CTNNA3: variants seen among roughly 807,000 people sequenced by gnomAD.
CTNNA3 encodes catenin alpha 3, also known as catenin alpha-3.
A neutral mutation model predicts 95.7 loss-of-function variants in CTNNA3; 76 were observed. The observed-to-expected ratio is 0.79, with a 90% CI of 0.66 to 0.96. The LOEUF is 0.96. Among genes scored for constraint, CTNNA3 ranks in the 40% least tolerant of loss-of-function variants. The probability of loss-of-function intolerance (pLI) is 0.00; values close to 1 mark genes in which losing one functional copy is unlikely to be tolerated. For missense variants in CTNNA3, 1,191 were observed against 1,089.8 expected (o/e 1.09, Z -1.31); for synonymous variants, 431 against 374.4 (o/e 1.15, Z -1.74).
chr10:67,007,736 C>T (rs1564827325), intron 7 of CTNNA3, among the ~76,000 whole-genome samples: 2 of 151,516 alleles, frequency 1.3e-5, no homozygotes, highest in African/African-American at 2.4e-5. Context: ...GGTTCTATTC[C>T]ATACTGAATA....
intron 15 of CTNNA3, among the ~76,000 whole-genome samples, chr10:65,999,598 A>G (rs926930580): frequency 6.6e-6 from 1 of 152,204 alleles, no homozygotes; most frequent in African/African-American, 2.4e-5. Context: ...TGAATGCCAA[A>G]CAAAATACAC....
chr10:67,637,439 T>G (rs1341488749), intron 2 of CTNNA3, among the ~76,000 whole-genome samples: 2 of 152,194 alleles, frequency 1.3e-5, no homozygotes, highest in African/African-American at 4.8e-5. Context: ...GAAAACACTC[T>G]GCAGGATATT....
At chr10:66,678,245 A>G (rs12412602) in intron 9 of CTNNA3, among the ~76,000 whole-genome samples, 3,522 of 152,198 alleles carry the variant, frequency 0.023, 184 homozygotes, top group East Asian at 0.22. Flanking sequence ...TCCCTGACCT[A>G]GTAGTTCCCT....
chr10:67,455,514 C>A (rs1469618596), intron 5 of CTNNA3, among the ~76,000 whole-genome samples: 3 of 152,046 alleles, frequency 2.0e-5, no homozygotes, highest in African/African-American at 4.8e-5. Flanking sequence ...AGGAAGTAAC[C>A]TTGCAGTGGA....
chr10:67,129,946 G>T (rs192486059), intron 7 of CTNNA3, among the ~76,000 whole-genome samples: 3 of 149,912 alleles, frequency 2.0e-5, no homozygotes, highest in Admixed American at 2.0e-4. Flanking sequence ...TTGACTAGAA[G>T]AGAGTTATCT....
chr10:66,271,852 A>C (rs1170169650), intron 13 of CTNNA3, among the ~76,000 whole-genome samples: 2 of 152,192 alleles, frequency 1.3e-5, no homozygotes, highest in African/African-American at 4.8e-5. Context: ...CAGAATGAGC[A>C]ACTGAGATCA....
At chr10:66,881,599 T>C (rs1844853647) in intron 7 of CTNNA3, among the ~76,000 whole-genome samples, 1 of 152,218 alleles carries the variant, frequency 6.6e-6, no homozygotes, top group South Asian at 2.1e-4. Flanking sequence ...GTGCTTGTCA[T>C]CTAATGTGCT....
chr10:67,202,654 T>C (rs995930286), intron 6 of CTNNA3, among the ~76,000 whole-genome samples: 6 of 152,200 alleles, frequency 3.9e-5, no homozygotes, highest in African/African-American at 1.4e-4. Flanking sequence ...TTCACCTTAC[T>C]CTGAGAACAT....
intron 5 of CTNNA3, among the ~76,000 whole-genome samples, chr10:67,479,040 A>C (rs1050706215): frequency 6.6e-6 from 1 of 152,176 alleles, no homozygotes; most frequent in Non-Finnish European, 1.5e-5. Context: ...AAAAGGTTTG[A>C]TTCAACAAGA....
chr10:67,699,594 A>G (rs772666643), upstream of CTNNA3, among the ~76,000 whole-genome samples: 5 of 152,246 alleles, frequency 3.3e-5, no homozygotes, highest in Non-Finnish European at 7.3e-5. Context: ...GAGGATAGAC[A>G]TTTCACTCAG....
At chr10:67,554,848 G>A (rs990905692) in intron 3 of CTNNA3, among the ~76,000 whole-genome samples, 2 of 152,164 alleles carry the variant, frequency 1.3e-5, no homozygotes, top group Non-Finnish European at 2.9e-5. Flanking sequence ...GTCCTGAATG[G>A]TGTTGCCTAG....
intron 17 of CTNNA3, among the ~76,000 whole-genome samples, chr10:65,947,482 A>G (rs1026494203): frequency 6.6e-6 from 1 of 152,206 alleles, no homozygotes; most frequent in African/African-American, 2.4e-5. Context: ...CATGCTGGAC[A>G]CTAGGCTAAG....
At chr10:67,699,990 G>A (rs947512513), upstream of CTNNA3, among the ~76,000 whole-genome samples, 5 of 152,250 alleles carry the variant, frequency 3.3e-5, no homozygotes, top group East Asian at 9.6e-4. Flanking sequence ...ATGCTTTGGA[G>A]GGTCCTATGC....
chr10:67,397,536 C>T (rs1275556479), intron 5 of CTNNA3, among the ~76,000 whole-genome samples: 1 of 152,156 alleles, frequency 6.6e-6, no homozygotes, highest in African/African-American at 2.4e-5. Flanking sequence ...GGAAAATTTG[C>T]AGCCTGAGGA....
intron 5 of CTNNA3, among the ~76,000 whole-genome samples, chr10:67,434,111 A>T (rs1232027507): frequency 2.6e-5 from 4 of 152,058 alleles, no homozygotes; most frequent in African/African-American, 7.2e-5. Context: ...CTCCTTCAAG[A>T]CAGGCTTTTG....
At chr10:67,348,647 G>A (rs906340274) in intron 5 of CTNNA3, among the ~76,000 whole-genome samples, 3 of 151,938 alleles carry the variant, frequency 2.0e-5, no homozygotes, top group Non-Finnish European at 2.9e-5. Flanking sequence ...CAACCAGATC[G>A]CACATGAATT....
At chr10:66,736,962 G>T (rs531768779) in intron 9 of CTNNA3, among the ~76,000 whole-genome samples, 4 of 152,172 alleles carry the variant, frequency 2.6e-5, no homozygotes, top group East Asian at 3.9e-4. Flanking sequence ...TTTAATTTGG[G>T]ATATAAATCT....
intron 5 of CTNNA3, among the ~76,000 whole-genome samples, chr10:67,458,434 G>A (rs1847251249): frequency 6.6e-6 from 1 of 152,056 alleles, no homozygotes; most frequent in Non-Finnish European, 1.5e-5. Flanking sequence ...GCACCATTAG[G>A]ATTATTCTAT....
intron 1 of CTNNA3, among the ~76,000 whole-genome samples, chr10:67,652,695 G>A (rs557696571): frequency 2.9e-4 from 43 of 148,260 alleles, no homozygotes; most frequent in South Asian, 4.3e-4. Flanking sequence ...TATTTAATAC[G>A]AATTATAACA....
Sources: gnomAD v4.1 joint callset for allele counts (sites outside exome capture counted in the v4.1 genomes callset) on GRCh38, gnomAD v4.1.1 for gene constraint, MANE v1.5 for transcripts, NCBI Gene and HGNC (gene_info 2026-07-23, HGNC 2026-07-21) for gene names.